The following FOXO1 variants were observed in gnomAD, a reference collection of about 807,000 sequenced individuals.
FOXO1 encodes the protein forkhead box protein O1.
FOXO1 carries 6 observed loss-of-function variants against 44.1 expected under a neutral mutation model. The ratio of observed to expected loss-of-function variants is 0.14; its 90% CI spans 0.07 to 0.27. The LOEUF (loss-of-function observed/expected upper bound fraction) is 0.27. FOXO1 is among the 10% of genes least tolerant of loss of function. FOXO1 has a pLI of 1.00. For missense variants in FOXO1, 737 were observed against 888.8 expected (o/e 0.83, Z 2.17); for synonymous variants, 380 against 362.7 (o/e 1.05, Z -0.54).
chr13:40,615,155 G>C (rs1218905203), intron 1 of FOXO1, among the ~76,000 whole-genome samples: 1 of 152,252 alleles, frequency 6.6e-6, no homozygotes, highest in Non-Finnish European at 1.5e-5. Flanking sequence ...AACAGAGGAT[G>C]CTTGTCCTTG....
intron 1 of FOXO1, among the ~76,000 whole-genome samples, chr13:40,574,347 G>A (rs773717070): frequency 2.6e-5 from 4 of 152,170 alleles, no homozygotes; most frequent in East Asian, 3.8e-4. Context: ...TCATTACTGC[G>A]CGTGTGAATC....
Position 40,617,171 on chromosome 13 carries a change from C to A in FOXO1, c.630+48412G>T, listed in dbSNP as rs185350036. 7.0e-4 allele frequency among the ~76,000 whole-genome samples: 107 copies of A among 152,332 alleles called. 1 individual carries two copies. In the East Asian group the frequency reaches 0.013, roughly 19 times the overall value. ...CCAATAACAAAGGTGAAAGGCCAGG[C>A]ACAGTGGCTCACGCCTGTAATCCCA... On this transcript the variant is annotated intron_variant, in intron 1 of 2. Transcript: ENST00000379561.
At chr13:40,595,188 A>C (rs1566070467) in intron 1 of FOXO1, among the ~76,000 whole-genome samples, 2 of 152,266 alleles carry the variant, frequency 1.3e-5, no homozygotes, top group Non-Finnish European at 2.9e-5. Context: ...AATGCAAAAC[A>C]GCCCTGATGC....
chr13:40,569,799 T>C lies in FOXO1; in HGVS notation c.631-8939A>G, dbSNP rs147737538. On this transcript the variant is annotated intron_variant, in intron 1 of 2. Coordinates refer to ENST00000379561, the MANE Select transcript of FOXO1 (RefSeq NM_002015.4). Reference sequence around the variant, plus strand: ...ACATTTAAACAATTTTTTAAATAGATTGGGTTTTGCTATGCTGCCCATGCT... The same window carrying C: ...ACATTTAAACAATTTTTTAAATAGACTGGGTTTTGCTATGCTGCCCATGCT... Among the ~76,000 whole-genome samples the C allele has an allele frequency of 3.0e-3, 457 of 152,250 alleles. 1 individual carries two copies. The highest frequency in any genetic ancestry group is 0.011 in the African/African-American group (446 of 41,564).
chr13:40,637,933 T>A (rs1877215245), intron 1 of FOXO1, among the ~76,000 whole-genome samples: 1 of 152,226 alleles, frequency 6.6e-6, no homozygotes. Context: ...TTCATGTTTA[T>A]CTGTATTACA....
At chr13:40,661,995 A>AC (rs1277648553) in intron 1 of FOXO1, among the ~76,000 whole-genome samples, 2 of 151,228 alleles carry the variant, frequency 1.3e-5, no homozygotes, top group Non-Finnish European at 2.9e-5. Flanking sequence ...AATATGTGAA[A>AC]CCCCCTCTCT....
At chr13:40,661,529 T>G (rs915102468) in intron 1 of FOXO1, among the ~76,000 whole-genome samples, 1 of 152,072 alleles carries the variant, frequency 6.6e-6, no homozygotes, top group Non-Finnish European at 1.5e-5. Flanking sequence ...ACTCCTGAGC[T>G]CAGGCAATCC....
At chr13:40,619,371 T>A (rs1443082315) in intron 1 of FOXO1, 3 of 644,334 alleles carry the variant, frequency 4.7e-6, no homozygotes, top group Non-Finnish European at 5.5e-6. Context: ...CAAATGAATA[T>A]TCTCTTCTAG....
At chr13:40,584,468 GCAAAAAAAAAAAA>G (rs1875072946) in intron 1 of FOXO1, among the ~76,000 whole-genome samples, 1 of 9,906 alleles carries the variant, frequency 1.0e-4, no homozygotes, top group African/African-American at 5.4e-4. Flanking sequence ...CACAAAAAAT[GCAAAAAAAAAAAA>G]AAAAAAAAAA....
At chr13:40,598,792 A>C (rs546381281) in intron 1 of FOXO1, among the ~76,000 whole-genome samples, 11 of 152,370 alleles carry the variant, frequency 7.2e-5, no homozygotes, top group African/African-American at 2.6e-4. Context: ...GCCCAGACCT[A>C]CTAAATCAGA....
chr13:40,644,852 A>T (rs1877462076), intron 1 of FOXO1, among the ~76,000 whole-genome samples: 1 of 152,204 alleles, frequency 6.6e-6, no homozygotes, highest in Admixed American at 6.5e-5. Context: ...TCTAAGCCAG[A>T]AGTTAAAATT....
intron 1 of FOXO1, among the ~76,000 whole-genome samples, chr13:40,599,936 G>T (rs568295585): frequency 6.6e-6 from 1 of 152,310 alleles, no homozygotes. Context: ...GCAAGCCGAT[G>T]AAAAGACCAG....
intron 1 of FOXO1, among the ~76,000 whole-genome samples, chr13:40,659,181 G>A (rs1469654244): frequency 6.6e-6 from 1 of 151,796 alleles, no homozygotes; most frequent in Non-Finnish European, 1.5e-5. Flanking sequence ...CAGGTGTGGT[G>A]GCATGTGCCT....
At chr13:40,651,679 T>C (rs925194074) in intron 1 of FOXO1, among the ~76,000 whole-genome samples, 2 of 151,454 alleles carry the variant, frequency 1.3e-5, no homozygotes, top group Admixed American at 1.3e-4. Flanking sequence ...AAATATACAT[T>C]ATATTTATAA....
At chr13:40,589,172 C>A (rs755079651) in intron 1 of FOXO1, among the ~76,000 whole-genome samples, 4 of 152,110 alleles carry the variant, frequency 2.6e-5, no homozygotes, top group Non-Finnish European at 4.4e-5. Flanking sequence ...ACAGTCAAGG[C>A]AGACCATCAA....
At chr13:40,603,190 T>A (rs1011230469) in intron 1 of FOXO1, among the ~76,000 whole-genome samples, 4 of 152,102 alleles carry the variant, frequency 2.6e-5, no homozygotes, top group Admixed American at 2.6e-4. Flanking sequence ...ATAAATCTTA[T>A]TTTATTACAG....
intron 1 of FOXO1, among the ~76,000 whole-genome samples, chr13:40,595,611 T>C (rs1875548676): frequency 6.6e-6 from 1 of 152,134 alleles, no homozygotes; most frequent in Non-Finnish European, 1.5e-5. Flanking sequence ...GCATATTCTG[T>C]TAGAAGGGCC....
Position 40,556,710 on chromosome 13 carries a change from T to A in FOXO1, c.*2339A>T, listed in dbSNP as rs1213945249. 6.6e-6 allele frequency: 1 copy of A among 152,210 alleles called. No individual in the cohort carries two copies. Among genetic ancestry groups the A allele is most frequent in the African/African-American group, 2.4e-5 (1 of 41,446 alleles). 9.4% of individuals were successfully genotyped at this position (152,210 alleles called of 1,614,324 possible). The stretch of plus-strand genomic sequence containing the variant: ...CAATGGGGGCTTGGGAGAGGTATAA[T>A]TACCCAGACTCAGGAGGAAGATATA... On this transcript the variant is annotated 3_prime_UTR_variant, in exon 3 of 3. Coordinates refer to ENST00000379561, the MANE Select transcript of FOXO1 (RefSeq NM_002015.4).
chr13:40,560,219 A>G lies in FOXO1; in HGVS notation c.1272T>C (p.Tyr424=), dbSNP rs747053864. 1.3e-5 allele frequency: 21 copies of G among 1,613,968 alleles called. No individual in the cohort carries two copies. Among genetic ancestry groups the G allele is most frequent in the African/African-American group, 2.7e-5 (2 of 74,882 alleles). The part of the protein sequence containing the change: ...LNSPSPNYQK[Y]TYGQSSMSPL... ...GGCTCATGCTGGATTGGCCATATGTATATTTTTGGTAGTTTGGGCTGGGTG... is the reference window on the plus strand; with the variant it reads ...GGCTCATGCTGGATTGGCCATATGTGTATTTTTGGTAGTTTGGGCTGGGTG... The change falls in exon 2 of 3, where the codon TAT becomes TAC. Residue 424 remains tyrosine (Y), a synonymous_variant. Coordinates refer to ENST00000379561, the MANE Select transcript of FOXO1 (RefSeq NM_002015.4). This position sits in a 1 kb window ranked among gnomAD's most constrained non-coding sequence, Gnocchi z 5.1.
Sources: allele counts gnomAD v4.1 joint callset (sites outside exome capture counted in the v4.1 genomes callset), GRCh38; gene constraint gnomAD v4.1.1; non-coding constraint Gnocchi (gnomAD v3.1); transcripts MANE v1.5; gene names NCBI Gene and HGNC (gene_info 2026-07-23, HGNC 2026-07-21).